Variants in PROS1 observed in about 807,000 individuals in gnomAD.
The protein encoded by PROS1 is vitamin K-dependent protein S.
PROS1 carries 29 observed loss-of-function variants against 75.9 expected under a neutral mutation model. The observed-to-expected ratio is 0.38, with a 90% CI of 0.28 to 0.52. The LOEUF is 0.52. Ranked by LOEUF, PROS1 falls within the 20% of genes least tolerant of loss-of-function variation. The pLI is 0.83. For missense variants in PROS1, 680 were observed against 810.3 expected (o/e 0.84, Z 1.95); for synonymous variants, 245 against 280.6 (o/e 0.87, Z 1.27).
At chr3:93,928,743 A>C in intron 1 of PROS1, 1 of 1,296,990 alleles carries the variant, frequency 7.7e-7, no homozygotes, top group African/African-American at 1.5e-5. Context: ...TAAGCCGACC[A>C]ATACAGAAAT....
intron 13 of PROS1, among the ~76,000 whole-genome samples, chr3:93,878,030 A>G (rs567718613): frequency 6.6e-6 from 1 of 152,334 alleles, no homozygotes; most frequent in South Asian, 2.1e-4. Context: ...ATGATCAATG[A>G]TATCTGGAAT....
At chr3:93,896,301 TA>T (rs1484926007) in intron 9 of PROS1, among the ~76,000 whole-genome samples, 1 of 152,136 alleles carries the variant, frequency 6.6e-6, no homozygotes, top group Non-Finnish European at 1.5e-5. Context: ...AGCTTCTTAG[TA>T]AATATGCATT....
At chr3:93,913,671 TTTC>T (rs1708794912) in intron 3 of PROS1, among the ~76,000 whole-genome samples, 2 of 152,200 alleles carry the variant, frequency 1.3e-5, no homozygotes, top group African/African-American at 4.8e-5. Context: ...TTAAACCTCT[TTTC>T]TTTATAAATT....
chr3:93,930,729 G>C (rs1709093987), intron 1 of PROS1, among the ~76,000 whole-genome samples: 1 of 152,088 alleles, frequency 6.6e-6, no homozygotes. Context: ...GTTTATAAAA[G>C]TAAACATAAC....
At chr3:93,956,409 A>AT (rs1709599372) in intron 1 of PROS1, among the ~76,000 whole-genome samples, 1 of 152,040 alleles carries the variant, frequency 6.6e-6, no homozygotes, top group African/African-American at 2.4e-5. Flanking sequence ...AGGTAGGAGG[A>AT]TTGCCTAAGC....
chr3:93,881,141 C>T (rs1708270435), intron 12 of PROS1, among the ~76,000 whole-genome samples: 1 of 152,034 alleles, frequency 6.6e-6, no homozygotes, highest in East Asian at 1.9e-4. Flanking sequence ...CTGGGCAACA[C>T]GGGAAGACCC....
At chr3:93,956,565 C>CACACAA (rs1261800406) in intron 1 of PROS1, among the ~76,000 whole-genome samples, 29 of 108,828 alleles carry the variant, frequency 2.7e-4, no homozygotes, top group East Asian at 2.5e-3. Context: ...CACACACAAA[C>CACACAA]ACACACACAC....
chr3:93,928,742 C>A, intron 1 of PROS1: 1 of 1,295,936 alleles, frequency 7.7e-7, no homozygotes, highest in Non-Finnish European at 1.0e-6. Context: ...ATAAGCCGAC[C>A]AATACAGAAA....
intron 2 of PROS1, among the ~76,000 whole-genome samples, chr3:93,925,838 A>T (rs1229883500): frequency 6.6e-6 from 1 of 151,302 alleles, no homozygotes; most frequent in Non-Finnish European, 1.5e-5. Context: ...AAAAAAAAAA[A>T]AAGTAACTTT....
At chr3:93,970,496 C>T (rs1179986623) in intron 1 of PROS1, among the ~76,000 whole-genome samples, 6 of 151,926 alleles carry the variant, frequency 3.9e-5, no homozygotes, top group Non-Finnish European at 7.4e-5. Context: ...CCAACACATC[C>T]GGCTAATTTT....
intron 10 of PROS1, among the ~76,000 whole-genome samples, chr3:93,888,526 A>G (rs1399269854): frequency 6.6e-6 from 1 of 152,222 alleles, no homozygotes; most frequent in Non-Finnish European, 1.5e-5. Flanking sequence ...GTAAAGGAGC[A>G]TTATATATTT....
intron 1 of PROS1, among the ~76,000 whole-genome samples, chr3:93,953,389 G>C (rs1251578997): frequency 2.0e-5 from 3 of 152,200 alleles, no homozygotes; most frequent in Non-Finnish European, 4.4e-5. Context: ...CCCCGATCAA[G>C]TTGGCTTCAT....
intron 10 of PROS1, among the ~76,000 whole-genome samples, chr3:93,889,758 C>G (rs1708403318): frequency 6.6e-6 from 1 of 152,092 alleles, no homozygotes; most frequent in Non-Finnish European, 1.5e-5. Flanking sequence ...TCTCTTAATC[C>G]TGTTATCTTC....
chr3:93,938,857 G>A (rs1709232229), intron 1 of PROS1, among the ~76,000 whole-genome samples: 1 of 152,042 alleles, frequency 6.6e-6, no homozygotes, highest in East Asian at 1.9e-4. Flanking sequence ...GGGGATGCCT[G>A]CCTTCATTCA....
At chr3:93,890,986 T>C (rs906457183) in intron 10 of PROS1, among the ~76,000 whole-genome samples, 1 of 151,818 alleles carries the variant, frequency 6.6e-6, no homozygotes, top group African/African-American at 2.4e-5. Context: ...GCACTGATAG[T>C]CCCAGCTACT....
intron 1 of PROS1, among the ~76,000 whole-genome samples, chr3:93,973,309 G>T (rs1709909332): frequency 6.6e-6 from 1 of 152,170 alleles, no homozygotes; most frequent in African/African-American, 2.4e-5. Context: ...GGAAGACACA[G>T]TGTGTTACCT....
At chr3:93,964,203 C>G (rs944094293) in intron 1 of PROS1, among the ~76,000 whole-genome samples, 18 of 152,128 alleles carry the variant, frequency 1.2e-4, no homozygotes, top group African/African-American at 4.3e-4. Flanking sequence ...AACAGAATAA[C>G]AGTGATTTTA....
At chr3:93,878,680 TTC>T (rs1708227479) in intron 13 of PROS1, among the ~76,000 whole-genome samples, 1 of 152,256 alleles carries the variant, frequency 6.6e-6, no homozygotes, top group Non-Finnish European at 1.5e-5. Flanking sequence ...AGTTTTAACT[TTC>T]TCTCTTTTTT....
intron 14 of PROS1, 46 bp from the exon 15 acceptor site, chr3:93,874,451 C>G (rs1189117715): frequency 1.9e-6 from 3 of 1,606,180 alleles, no homozygotes; most frequent in Non-Finnish European, 2.6e-6. Flanking sequence ...CTTTTAGCAT[C>G]TTGTTTGTTT....
Sources: gnomAD v4.1 joint callset for allele counts (sites outside exome capture counted in the v4.1 genomes callset) on GRCh38, gnomAD v4.1.1 for gene constraint, MANE v1.5 for transcripts, NCBI Gene and HGNC (gene_info 2026-07-23, HGNC 2026-07-21) for gene names.